Variants in HGS observed in about 807,000 individuals in gnomAD.
HGS encodes hepatocyte growth factor-regulated tyrosine kinase substrate.
Under a neutral mutation model 109.7 loss-of-function variants are expected in HGS, and 63 were observed. The observed-to-expected ratio is 0.57, with a 90% confidence interval of 0.47 to 0.71. The LOEUF (loss-of-function observed/expected upper bound fraction) is 0.71. Among genes scored for constraint, HGS ranks in the 30% least tolerant of loss-of-function variants. The pLI, the probability that HGS is intolerant of heterozygous loss-of-function variation, is 0.00. For missense variants in HGS, 995 were observed against 1,068.3 expected, an observed-to-expected ratio of 0.93 and a Z score of 0.96; for synonymous variants, 546 against 437.3, an observed-to-expected ratio of 1.25 and a Z score of -3.10.
At position 81,701,794 on chromosome 17, in the gene HGS, CCT is replaced by C. The variant is rs2037242754; in HGVS notation, c.*177_*178del. The C allele has an allele frequency of 3.3e-6, 3 of 902,962 alleles. No individual in the cohort carries two copies. The highest frequency in any genetic ancestry group is 6.0e-5 in the East Asian group (2 of 33,408). 55.9% of individuals were successfully genotyped at this position (902,962 alleles called of 1,614,324 possible). On this transcript the variant is annotated 3_prime_UTR_variant, in exon 22 of 22. Coordinates refer to ENST00000329138, the MANE Select transcript of HGS (RefSeq NM_004712.5). ...CCCTTGTCCTCAGCCTACTGCAGTC[CCT>C]GAGTTAGTCTCTGCTTTCTTTCCCC...
At chr17:81,685,457 C>T (rs34730558) in intron 1 of HGS, 148 bp from the exon 2 acceptor site, 35,651 of 554,172 alleles carry the variant, frequency 0.064, 1,995 homozygotes, top group East Asian at 0.27. Flanking sequence ...CCCATCAGCA[C>T]GCTCAGGAGG....
rs1477411870 is a variant in HGS at position 81,695,896 on chromosome 17, C to T, written c.1290C>T (p.Gly430=). The change falls in exon 15 of 22, where the codon GGC becomes GGT. Residue 430 remains glycine (G), a synonymous_variant. Transcript: ENST00000329138. ...VNRMKSNHMR[G]RSITNDSAVL... ...GCATGAAGAGTAACCACATGCGGGG[C>T]CGCAGCATCACCAATGACTCGGCCG... is the stretch of plus-strand genomic sequence containing the variant. 6.2e-7 allele frequency: 1 copy of T among 1,612,010 alleles called. No homozygotes were observed. The highest frequency in any genetic ancestry group is 8.5e-7 in the Non-Finnish European group (1 of 1,178,832).
chr17:81,695,121 A>C, intron 13 of HGS, 43 bp from the exon 14 acceptor site: 1 of 1,613,570 alleles, frequency 6.2e-7, no homozygotes, highest in African/African-American at 1.3e-5. Context: ...GAAGGGGTGG[A>C]TGCGGGACAG....
chr17:81,688,710 G>C lies in HGS; in HGVS notation c.298G>C (p.Val100Leu). 1 of 1,613,956 alleles carries C rather than the reference G, an allele frequency of 6.2e-7. No individual in the cohort carries two copies. The highest frequency in any genetic ancestry group is 8.5e-7 in the Non-Finnish European group (1 of 1,179,934). ...CCCTTCTCCCTGCCTGCAGAGACAA[G>C]TGGAGGTAAACGTCCGTAACAAGAT... ...EELKDLLKRQ[V>L]EVNVRNKILY... The change falls in exon 5 of 22, where the codon GTG (valine) becomes CTG (leucine). Residue 100 changes from valine (V) to leucine (L), a missense_variant. Transcript: ENST00000329138.
intron 6 of HGS, 95 bp downstream of exon 6, chr17:81,690,329 C>A (rs1339732123): frequency 4.9e-5 from 64 of 1,294,846 alleles, no homozygotes; most frequent in Non-Finnish European, 6.2e-5. Flanking sequence ...GGGTTGGTGG[C>A]TGAGCTCTCG....
Position 81,686,319 on chromosome 17 carries a change from T to C in HGS, c.130T>C (p.Tyr44His), listed in dbSNP as rs766834793. Residue 44 changes from tyrosine (Y) to histidine (H), a missense_variant, in exon 3 of 22, where the codon TAT becomes CAT. Around this residue, in one of 6 missense-constraint regions of HGS, gnomAD observed 182 missense variants for 261.3 expected, o/e 0.70. Transcript: ENST00000329138. The part of the protein sequence containing the change: ...LIRQGDTQAK[Y>H]AVNSIKKKVN... ...TCAATGTTTCCTTTTCAGAGCAAAA[T>C]ATGCTGTGAATTCCATCAAGAAGAA... 1.9e-6 allele frequency: 3 copies of C among 1,613,354 alleles called. No individual in the cohort carries two copies. The highest frequency in any genetic ancestry group is 2.2e-5 in the South Asian group (2 of 91,058).
chr17:81,690,761 G>C lies in HGS; in HGVS notation c.537+19G>C, dbSNP rs1815472739. The C allele has an allele frequency of 6.2e-7, 1 of 1,607,984 alleles. No homozygotes were observed. Among genetic ancestry groups the C allele is most frequent in the Non-Finnish European group, 8.5e-7 (1 of 1,176,674 alleles). On this transcript the variant is annotated intron_variant, in intron 7 of 21. Coordinates refer to ENST00000329138, the MANE Select transcript of HGS (RefSeq NM_004712.5). ...CCGTAAGGTGAGTTCCCACCTGGGG[G>C]GCTCTACAGCCCCGGCCAGACACCA...
intron 7 of HGS, 178 bp downstream of exon 7, chr17:81,690,920 G>C: frequency 1.8e-6 from 1 of 567,072 alleles, no homozygotes; most frequent in Non-Finnish European, 3.1e-6. Context: ...CCACGTAAGG[G>C]CCTGATGCCA....
At chr17:81,695,097 G>C (rs2037123980) in intron 13 of HGS, 30 bp downstream of exon 13, 1 of 1,612,406 alleles carries the variant, frequency 6.2e-7, no homozygotes, top group African/African-American at 1.3e-5. Context: ...CATTCCTAGT[G>C]GCAGGGTCCC....
In HGS at chr17:81,691,463, G is replaced by A; in HGVS notation, c.554G>A (p.Cys185Tyr). The A allele has an allele frequency of 6.2e-7, 1 of 1,614,140 alleles. No individual in the cohort carries two copies. The highest frequency in any genetic ancestry group is 8.5e-7 in the Non-Finnish European group (1 of 1,180,022). The stretch of plus-strand genomic sequence containing the variant: ...ATCTTACAGCACCACTGCCGGGCGT[G>A]TGGGCAGATATTCTGTGGAAAGTGT... ...VMTRKHHCRA[C>Y]GQIFCGKCSS... The change falls in exon 8 of 22, where the codon TGT (cysteine) becomes TAT (tyrosine). Residue 185 changes from cysteine to tyrosine, a missense_variant. This residue lies in a region of HGS where 182 missense variants were observed against 261.3 expected (regional missense o/e 0.70). Transcript: ENST00000329138. The surrounding 1 kb of genome is among the most constrained non-coding windows in gnomAD (Gnocchi z 5.3).
chr17:81,687,402 TAGGGA>T (rs760933854), intron 4 of HGS, among the ~76,000 whole-genome samples: 45 of 151,980 alleles, frequency 3.0e-4, no homozygotes, highest in Middle Eastern at 3.4e-3. Flanking sequence ...CCTGCTGTCT[TAGGGA>T]AGGTGAGTAG....
chr17:81,695,544 C>T (rs2037132224), intron 14 of HGS: 1 of 601,220 alleles, frequency 1.7e-6, no homozygotes, highest in Admixed American at 3.0e-5. Context: ...GAGCACAGGT[C>T]CCTGGAGAGG....
chr17:81,701,433 C>G, intron 21 of HGS, 75 bp from the exon 22 acceptor site: 1 of 1,447,312 alleles, frequency 6.9e-7, no homozygotes, highest in Non-Finnish European at 9.3e-7. Context: ...GTCTGTGGCT[C>G]TGCTGGGACA....
intron 9 of HGS, 24 bp from the exon 10 acceptor site, chr17:81,693,630 C>CG: frequency 6.5e-7 from 1 of 1,549,580 alleles, no homozygotes; most frequent in Non-Finnish European, 8.8e-7. Flanking sequence ...GGCGCCCCCC[C>CG]TCACCCTCCC....
chr17:81,698,738 T>G (rs1039147928), intron 18 of HGS, among the ~76,000 whole-genome samples: 5 of 152,166 alleles, frequency 3.3e-5, no homozygotes, highest in Admixed American at 6.5e-5. Flanking sequence ...GGTGCGTCTG[T>G]GTATGTGCGA....
chr17:81,701,783 C>T lies in HGS; in HGVS notation c.*165C>T. On this transcript the variant is annotated 3_prime_UTR_variant, in exon 22 of 22. Transcript: ENST00000329138. ...CAAGCCCACCTCCCTTGTCCTCAGC[C>T]TACTGCAGTCCCTGAGTTAGTCTCT... 1 of 999,626 alleles carries T rather than the reference C, an allele frequency of 1.0e-6. No individual in the cohort carries two copies. The highest frequency in any genetic ancestry group is 1.4e-6 in the Non-Finnish European group (1 of 716,278). 61.9% of individuals were successfully genotyped at this position (999,626 alleles called of 1,614,324 possible). A position where few individuals can be genotyped will look rare whatever the true frequency, so the allele number is the denominator to read the frequency against.
In HGS at chr17:81,691,792, A is replaced by G; in HGVS notation, c.662+221A>G. Reference sequence around the variant, plus strand: ...GAGACAGGGCGCCGCGGCTCCAGGGACCGAGGCTGCCCCGACAAACCTGTT... The same window carrying G: ...GAGACAGGGCGCCGCGGCTCCAGGGGCCGAGGCTGCCCCGACAAACCTGTT... On this transcript the variant is annotated intron_variant, in intron 8 of 21. Transcript: ENST00000329138. This position sits in a 1 kb window ranked among gnomAD's most constrained non-coding sequence, Gnocchi z 5.3. 5.8e-6 allele frequency: 3 copies of G among 516,344 alleles called. No homozygotes were observed. The highest frequency in any genetic ancestry group is 1.0e-5 in the Non-Finnish European group (3 of 288,616). The allele number at this position is 516,344 out of a possible 1,614,324, so 32.0% of individuals were successfully genotyped here.
At chr17:81,686,459 G>A (rs1598743339) in intron 3 of HGS, 72 bp downstream of exon 3, 2 of 1,138,386 alleles carry the variant, frequency 1.8e-6, no homozygotes, top group Non-Finnish European at 2.6e-6. Context: ...CATGAGAAGA[G>A]TTTGTCCTGT....
At chr17:81,698,546 C>T (rs1035065799) in intron 18 of HGS, among the ~76,000 whole-genome samples, 2 of 152,122 alleles carry the variant, frequency 1.3e-5, no homozygotes, top group East Asian at 3.9e-4. Context: ...ACTCTGTGCT[C>T]GTCTTGTATG....
Sources: allele counts gnomAD v4.1 joint callset (sites outside exome capture counted in the v4.1 genomes callset), GRCh38; gene constraint gnomAD v4.1.1; regional missense constraint gnomAD v4.1.1; non-coding constraint Gnocchi (gnomAD v3.1); transcripts MANE v1.5; gene names NCBI Gene and HGNC (gene_info 2026-07-23, HGNC 2026-07-21).